LINGO1: variants seen among roughly 807,000 people sequenced by gnomAD.
LINGO1 encodes the protein leucine-rich repeat and immunoglobulin-like domain-containing nogo receptor-interacting protein 1.
In LINGO1, 11 loss-of-function variants were observed where a neutral mutation model predicts 37.3. That is an observed-to-expected ratio of 0.29 (90% CI 0.19 to 0.49). The LOEUF (loss-of-function observed/expected upper bound fraction) is 0.49, where lower values mean the gene tolerates loss of function less well. LINGO1 is among the 20% of genes least tolerant of loss of function. LINGO1 has a pLI of 0.99. For synonymous variants in LINGO1, 387 were observed against 403.0 expected, an observed-to-expected ratio of 0.96 and a Z score of 0.48; for missense variants, 585 against 878.2, an observed-to-expected ratio of 0.67 and a Z score of 4.22.
At chr15:77,802,253 G>A (rs893482529) in intron 1 of LINGO1, among the ~76,000 whole-genome samples, 3 of 151,962 alleles carry the variant, frequency 2.0e-5, no homozygotes, top group African/African-American at 7.3e-5. Context: ...GTGCAGAGGC[G>A]TGTCTGTAAT....
At chr15:77,642,017 C>T (rs955533347) in intron 3 of LINGO1, 4 of 456,578 alleles carry the variant, frequency 8.8e-6, no homozygotes, top group Non-Finnish European at 1.8e-5. Flanking sequence ...ATACTCATGC[C>T]TATCTTGGAG....
At chr15:77,639,109 G>C (rs1183302410), upstream of LINGO1, among the ~76,000 whole-genome samples, 1 of 152,040 alleles carries the variant, frequency 6.6e-6, no homozygotes, top group Non-Finnish European at 1.5e-5. Context: ...CCACTTGAGT[G>C]AGCTTGGAAA....
chr15:77,614,866 C>A lies in LINGO1; in HGVS notation c.1041G>T (p.Leu347=). The change falls in exon 2 of 2, where the codon CTG becomes CTT. Residue 347 remains leucine, a synonymous_variant. Transcript: ENST00000355300. ...LRVLNVSGNQ[L]TTLEESVFHS... ...GGAAGACTGATTCCTCCAGTGTGGT[C>A]AGCTGGTTGCCAGAGACATTGAGCA... 6.2e-7 allele frequency: 1 copy of A among 1,613,898 alleles called. No homozygotes were observed. Among genetic ancestry groups the A allele is most frequent in the South Asian group, 1.1e-5 (1 of 91,034 alleles).
intron 3 of LINGO1, among the ~76,000 whole-genome samples, chr15:77,653,532 T>A (rs2074806129): frequency 6.6e-6 from 1 of 152,256 alleles, no homozygotes; most frequent in Non-Finnish European, 1.5e-5. Context: ...CTGGATCTTA[T>A]GAAGCCCTTA....
At chr15:77,633,687 C>T (rs1451626743), upstream of LINGO1, among the ~76,000 whole-genome samples, 1 of 152,230 alleles carries the variant, frequency 6.6e-6, no homozygotes, top group Non-Finnish European at 1.5e-5. Context: ...CAGCGCAGAG[C>T]CTCCGCCTGG....
intron 2 of LINGO1, among the ~76,000 whole-genome samples, chr15:77,722,958 C>A (rs1047772745): frequency 1.3e-5 from 2 of 152,192 alleles, no homozygotes; most frequent in East Asian, 3.9e-4. Flanking sequence ...CTTCACAGCG[C>A]CCCTGGAGGC....
intron 1 of LINGO1, among the ~76,000 whole-genome samples, chr15:77,805,743 G>A (rs917489658): frequency 3.9e-5 from 6 of 152,156 alleles, no homozygotes; most frequent in Non-Finnish European, 8.8e-5. Context: ...GTTTCCTGCC[G>A]GGCCCCTGTA....
chr15:77,773,492 G>A (rs1169517619), intron 1 of LINGO1, among the ~76,000 whole-genome samples: 1 of 152,100 alleles, frequency 6.6e-6, no homozygotes, highest in Non-Finnish European at 1.5e-5. Context: ...AACCAATGCA[G>A]GCCAAACTGT....
At chr15:77,647,949 TGATG>T (rs1300799625) in intron 3 of LINGO1, 1 of 456,586 alleles carries the variant, frequency 2.2e-6, no homozygotes, top group South Asian at 1.5e-5. Context: ...CATTGCTAAC[TGATG>T]GATGGACAGT....
At chr15:77,732,601 T>A (rs1010866843) in intron 2 of LINGO1, among the ~76,000 whole-genome samples, 1 of 152,082 alleles carries the variant, frequency 6.6e-6, no homozygotes, top group African/African-American at 2.4e-5. Flanking sequence ...CCTTCTGGAG[T>A]AGGCTTCACA....
chr15:77,720,583 C>T (rs551561777), intron 2 of LINGO1: 1 of 152,360 alleles, frequency 6.6e-6, no homozygotes, highest in African/African-American at 2.4e-5. Flanking sequence ...TTTTAATTAA[C>T]ATAATTATCC....
Position 77,710,704 on chromosome 15 carries a change from C to T in LINGO1, c.-194-19803G>A, listed in dbSNP as rs118076458. ...TGAAGAAGACTTCACAGAGCTGGAA[C>T]ACCTCACACAGCCCACCTGCGAGGG... On this transcript the variant is annotated intron_variant, in intron 2 of 3. Transcript: ENST00000561686. 9.2e-5 allele frequency among the ~76,000 whole-genome samples: 14 copies of T among 152,370 alleles called. No homozygotes were observed. In the East Asian group the frequency reaches 2.7e-3, roughly 29 times the overall value.
intron 1 of LINGO1, among the ~76,000 whole-genome samples, chr15:77,761,144 C>A (rs567345252): frequency 6.6e-6 from 1 of 151,580 alleles, no homozygotes; most frequent in Non-Finnish European, 1.5e-5. Flanking sequence ...CCATGCTGCC[C>A]AAGCTGGTCT....
intron 1 of LINGO1, among the ~76,000 whole-genome samples, chr15:77,620,732 G>A (rs145425640): frequency 2.0e-5 from 3 of 152,340 alleles, no homozygotes; most frequent in African/African-American, 7.2e-5. Flanking sequence ...CACTGGGGCT[G>A]GAAGAATCTC....
intron 2 of LINGO1, among the ~76,000 whole-genome samples, chr15:77,710,803 G>A (rs989877533): frequency 1.3e-5 from 2 of 152,240 alleles, no homozygotes; most frequent in African/African-American, 2.4e-5. Flanking sequence ...CTGGCCAACC[G>A]TGCCGGGCCG....
intron 1 of LINGO1, among the ~76,000 whole-genome samples, chr15:77,758,326 C>T (rs2076440822): frequency 6.6e-6 from 1 of 152,172 alleles, no homozygotes; most frequent in African/African-American, 2.4e-5. Context: ...CGGCTTCACC[C>T]CTCACTGACT....
At position 77,616,910 on chromosome 15, in the gene LINGO1, C is replaced by G. The variant is rs113571626; in HGVS notation, c.7-1010G>C. ...AGTGTGCTCCCCTTAAAAAGACCCT[C>G]CAGCCGTCACCTGTCTGTCTCTCAG... On this transcript the variant is annotated intron_variant, in intron 1 of 1. Transcript: ENST00000355300. Among the ~76,000 whole-genome samples the G allele has an allele frequency of 4.5e-3, 684 of 152,304 alleles. 2 individuals are homozygous for G. Among genetic ancestry groups the G allele is most frequent in the African/African-American group, 0.016 (649 of 41,568 alleles).
At chr15:77,645,330 G>C (rs2074601317) in intron 3 of LINGO1, among the ~76,000 whole-genome samples, 1 of 152,212 alleles carries the variant, frequency 6.6e-6, no homozygotes, top group Admixed American at 6.5e-5. Flanking sequence ...GGCCCACAGT[G>C]GGGTGGGTGG....
At chr15:77,759,059 C>T (rs1487574867) in intron 1 of LINGO1, among the ~76,000 whole-genome samples, 1 of 152,172 alleles carries the variant, frequency 6.6e-6, no homozygotes, top group Non-Finnish European at 1.5e-5. Context: ...AAAATCAGGG[C>T]TTTCTCTGAA....
Sources: allele counts gnomAD v4.1 joint callset (sites outside exome capture counted in the v4.1 genomes callset), GRCh38; gene constraint gnomAD v4.1.1; transcripts MANE v1.5; gene names NCBI Gene and HGNC (gene_info 2026-07-23, HGNC 2026-07-21).